ST6GALNAC3: variants seen among roughly 807,000 people sequenced by gnomAD.
ST6GALNAC3 encodes the protein ST6 N-acetylgalactosaminide alpha-2,6-sialyltransferase 3.
Under a neutral mutation model 32.7 loss-of-function variants are expected in ST6GALNAC3, and 25 were observed. The observed-to-expected ratio is 0.76, with a 90% CI of 0.56 to 1.07. The LOEUF (loss-of-function observed/expected upper bound fraction) is 1.07, where lower values mean the gene tolerates loss of function less well. ST6GALNAC3 is among the 50% of genes least tolerant of loss of function. The pLI is 0.00. For missense variants in ST6GALNAC3, 355 were observed against 382.4 expected, an observed-to-expected ratio of 0.93 and a Z score of 0.60; for synonymous variants, 129 against 133.1, an observed-to-expected ratio of 0.97 and a Z score of 0.21.
At chr1:76,549,366 A>C (rs1398986777) in intron 3 of ST6GALNAC3, among the ~76,000 whole-genome samples, 1 of 152,074 alleles carries the variant, frequency 6.6e-6, no homozygotes, top group African/African-American at 2.4e-5. Context: ...TTTTTATACT[A>C]TGACTATATA....
intron 3 of ST6GALNAC3, among the ~76,000 whole-genome samples, chr1:76,477,298 T>A (rs116732146): frequency 6.6e-6 from 1 of 152,200 alleles, no homozygotes; most frequent in African/African-American, 2.4e-5. Flanking sequence ...ACACTCTGAA[T>A]CTTCCAATTT....
intron 3 of ST6GALNAC3, among the ~76,000 whole-genome samples, chr1:76,583,879 T>A (rs1646925202): frequency 6.6e-6 from 1 of 152,228 alleles, no homozygotes; most frequent in Non-Finnish European, 1.5e-5. Flanking sequence ...AACAGCTACA[T>A]AACAATGTTG....
intron 3 of ST6GALNAC3, among the ~76,000 whole-genome samples, chr1:76,520,209 G>A (rs1662426881): frequency 6.6e-6 from 1 of 152,052 alleles, no homozygotes; most frequent in Non-Finnish European, 1.5e-5. Flanking sequence ...CAGCACAAAT[G>A]AGAAGTAATG....
intron 1 of ST6GALNAC3, among the ~76,000 whole-genome samples, chr1:76,219,250 T>C (rs1182402054): frequency 6.6e-6 from 1 of 152,238 alleles, no homozygotes; most frequent in African/African-American, 2.4e-5. Flanking sequence ...CCTGCTCTGC[T>C]TCTGCTACCT....
At chr1:76,250,604 T>A (rs969044750) in intron 1 of ST6GALNAC3, among the ~76,000 whole-genome samples, 10 of 152,152 alleles carry the variant, frequency 6.6e-5, no homozygotes, top group Non-Finnish European at 1.2e-4. Context: ...CTCAGGAGTT[T>A]CCAAGTACAC....
At chr1:76,122,804 C>T (rs1648972631) in intron 1 of ST6GALNAC3, among the ~76,000 whole-genome samples, 1 of 152,144 alleles carries the variant, frequency 6.6e-6, no homozygotes, top group Non-Finnish European at 1.5e-5. Flanking sequence ...AGCATCATTT[C>T]CATCAGCTCA....
Position 76,634,274 on chromosome 1 carries a change from C to T in ST6GALNAC3, c.*5468C>T, listed in dbSNP as rs1289767642. 4.8e-6 allele frequency: 3 copies of T among 621,862 alleles called. No individual in the cohort carries two copies. Among genetic ancestry groups the T allele is most frequent in the African/African-American group, 2.0e-5 (1 of 50,070 alleles). The allele number at this position is 621,862 out of a possible 1,614,324, so 38.5% of individuals were successfully genotyped here. The stretch of plus-strand genomic sequence containing the variant: ...TGAAGTGAGAGCTATTTCTAAGAAA[C>T]TTCAAAAAGATCAAAACGAGGCAAT... On this transcript the variant is annotated 3_prime_UTR_variant, in exon 5 of 5. Transcript: ENST00000328299.
At chr1:76,435,420 CT>C (rs1321603375) in intron 3 of ST6GALNAC3, among the ~76,000 whole-genome samples, 1 of 152,020 alleles carries the variant, frequency 6.6e-6, no homozygotes, top group Non-Finnish European at 1.5e-5. Flanking sequence ...CCAGTGTCTC[CT>C]TTTTGAGAAA....
chr1:76,140,200 G>C (rs1312450896), intron 1 of ST6GALNAC3, among the ~76,000 whole-genome samples: 1 of 152,174 alleles, frequency 6.6e-6, no homozygotes, highest in African/African-American at 2.4e-5. Flanking sequence ...CCAATGCTCC[G>C]TGGAAGTAGA....
intron 1 of ST6GALNAC3, among the ~76,000 whole-genome samples, chr1:76,116,760 G>A (rs781112668): frequency 7.2e-5 from 11 of 152,014 alleles, no homozygotes; most frequent in South Asian, 4.1e-4. Context: ...GCAAAACCCC[G>A]TCTATACTAA....
Position 76,233,482 on chromosome 1 carries a change from C to T in ST6GALNAC3, c.19-80323C>T, listed in dbSNP as rs190970548. Among the ~76,000 whole-genome samples, 504 of 152,338 alleles carry T rather than the reference C, an allele frequency of 3.3e-3. 5 individuals carry two copies. Among genetic ancestry groups the T allele is most frequent in the Middle Eastern group, 0.017 (5 of 294 alleles). The stretch of plus-strand genomic sequence containing the variant: ...CCAAGGGAAGGCCTAGGTATCTCTA[C>T]AGGACAGTGAAGAATTGTGACCTAT... On this transcript the variant is annotated intron_variant, in intron 1 of 4. Coordinates refer to ENST00000328299, the MANE Select transcript of ST6GALNAC3 (RefSeq NM_152996.4).
At chr1:76,161,921 G>A (rs1651835534) in intron 1 of ST6GALNAC3, among the ~76,000 whole-genome samples, 1 of 152,182 alleles carries the variant, frequency 6.6e-6, no homozygotes, top group South Asian at 2.1e-4. Flanking sequence ...TCAGGCTTTG[G>A]TCAAAAACCC....
At chr1:76,078,792 T>A (rs190454154) in intron 1 of ST6GALNAC3, among the ~76,000 whole-genome samples, 57 of 152,212 alleles carry the variant, frequency 3.7e-4, no homozygotes, top group East Asian at 5.8e-4. Context: ...TATTATTATT[T>A]TTTTTTGAGA....
chr1:76,346,706 AC>A (rs1181451085), intron 2 of ST6GALNAC3, among the ~76,000 whole-genome samples: 1 of 151,930 alleles, frequency 6.6e-6, no homozygotes, highest in African/African-American at 2.4e-5. Flanking sequence ...TAGTTTTGAG[AC>A]CTTGGCCAAG....
intron 1 of ST6GALNAC3, among the ~76,000 whole-genome samples, chr1:76,308,240 A>G (rs1175224032): frequency 6.6e-6 from 1 of 152,078 alleles, no homozygotes; most frequent in Non-Finnish European, 1.5e-5. Flanking sequence ...ACACTAGCTA[A>G]TGTTCACTGA....
intron 1 of ST6GALNAC3, among the ~76,000 whole-genome samples, chr1:76,204,612 T>C (rs1423634979): frequency 6.6e-6 from 1 of 152,186 alleles, no homozygotes; most frequent in Non-Finnish European, 1.5e-5. Flanking sequence ...GTTTCTCAAA[T>C]GGCACTATTC....
At chr1:76,186,769 T>C (rs1653582839) in intron 1 of ST6GALNAC3, among the ~76,000 whole-genome samples, 2 of 152,186 alleles carry the variant, frequency 1.3e-5, no homozygotes, top group Admixed American at 1.3e-4. Context: ...GCCCTTCTCA[T>C]GTTCCTCTGT....
chr1:76,084,773 G>A (rs908278029), intron 1 of ST6GALNAC3, among the ~76,000 whole-genome samples: 4 of 92,166 alleles, frequency 4.3e-5, no homozygotes, highest in East Asian at 2.2e-4. Flanking sequence ...GCTCCAACTC[G>A]TTGTCCTAGA....
At chr1:76,357,632 A>G (rs1158981632) in intron 2 of ST6GALNAC3, among the ~76,000 whole-genome samples, 2 of 152,190 alleles carry the variant, frequency 1.3e-5, no homozygotes. Context: ...CTTTTCTGGC[A>G]TCTGGTATTA....
Sources: gnomAD v4.1 joint callset for allele counts (sites outside exome capture counted in the v4.1 genomes callset) on GRCh38, gnomAD v4.1.1 for gene constraint, MANE v1.5 for transcripts, NCBI Gene and HGNC (gene_info 2026-07-23, HGNC 2026-07-21) for gene names.